Variants in CNTNAP2 observed in about 807,000 individuals in gnomAD.
CNTNAP2 encodes the protein contactin-associated protein-like 2.
CNTNAP2 carries 98 observed loss-of-function variants against 155.2 expected under a neutral mutation model. The ratio of observed to expected loss-of-function variants is 0.63; its 90% CI spans 0.54 to 0.75. The LOEUF (loss-of-function observed/expected upper bound fraction) is 0.75. Ranked by LOEUF, CNTNAP2 falls within the 30% of genes least tolerant of loss-of-function variation. CNTNAP2 has a pLI of 0.00. For synonymous variants in CNTNAP2, 651 were observed against 631.2 expected (o/e 1.03, Z -0.47); for missense variants, 1,727 against 1,688.1 (o/e 1.02, Z -0.40).
intron 21 of CNTNAP2, among the ~76,000 whole-genome samples, chr7:148,344,346 T>G (rs1280111330): frequency 6.6e-6 from 1 of 152,188 alleles, no homozygotes; most frequent in Admixed American, 6.5e-5. Context: ...GATGAATTCA[T>G]GTGTGTCCGG....
chr7:146,392,367 A>T (rs1795557212), intron 1 of CNTNAP2, among the ~76,000 whole-genome samples: 1 of 152,316 alleles, frequency 6.6e-6, no homozygotes, highest in Admixed American at 6.5e-5. Flanking sequence ...CAAATAAAAA[A>T]TCAAACAAAA....
chr7:147,241,636 GAAAAAAAA>G (rs773697991), intron 8 of CNTNAP2, among the ~76,000 whole-genome samples: 7 of 63,134 alleles, frequency 1.1e-4, no homozygotes, highest in African/African-American at 3.6e-4. Flanking sequence ...TCAAAAAAAG[GAAAAAAAA>G]AAAAAAAAAA....
At chr7:147,268,305 C>T (rs1804662851) in intron 8 of CNTNAP2, among the ~76,000 whole-genome samples, 1 of 152,088 alleles carries the variant, frequency 6.6e-6, no homozygotes, top group Non-Finnish European at 1.5e-5. Context: ...AAATTTATAT[C>T]TTGCTGCACT....
intron 3 of CNTNAP2, among the ~76,000 whole-genome samples, chr7:146,974,091 T>C (rs960710447): frequency 6.6e-6 from 1 of 152,138 alleles, no homozygotes; most frequent in Non-Finnish European, 1.5e-5. Context: ...CCCAGAATAA[T>C]CATAGTTATG....
chr7:148,135,322 G>A (rs567399573), intron 16 of CNTNAP2, among the ~76,000 whole-genome samples: 7 of 152,214 alleles, frequency 4.6e-5, no homozygotes, highest in Admixed American at 1.3e-4. Context: ...GAAAGATTGT[G>A]AAATACAGTG....
Position 146,495,930 on chromosome 7 carries a change from C to T in CNTNAP2, c.98-278341C>T, listed in dbSNP as rs548224204. ...GTCAAAAAAAGAGGAAAATGAGCAG[C>T]AAAGATCTACTCAGCCAAATTGTGA... is the stretch of plus-strand genomic sequence containing the variant. On this transcript the variant is annotated intron_variant, in intron 1 of 23. Transcript: ENST00000361727. Among the ~76,000 whole-genome samples, 3 of 152,210 alleles carry T rather than the reference C, an allele frequency of 2.0e-5. No homozygotes were observed. In the South Asian group the frequency reaches 6.2e-4, roughly 32 times the overall value.
chr7:146,837,400 A>C (rs1230298829), intron 2 of CNTNAP2, among the ~76,000 whole-genome samples: 3 of 151,954 alleles, frequency 2.0e-5, no homozygotes, highest in Admixed American at 6.6e-5. Flanking sequence ...TAAAATTTCC[A>C]TTTTGTTCTC....
At chr7:146,486,004 T>C (rs1389910378) in intron 1 of CNTNAP2, among the ~76,000 whole-genome samples, 2 of 149,104 alleles carry the variant, frequency 1.3e-5, no homozygotes, top group African/African-American at 2.4e-5. Flanking sequence ...TAGTAGTACA[T>C]TCATTACAAG....
At chr7:147,069,044 G>A (rs547093007) in intron 4 of CNTNAP2, among the ~76,000 whole-genome samples, 1 of 152,266 alleles carries the variant, frequency 6.6e-6, no homozygotes, top group East Asian at 1.9e-4. Context: ...GAGAGGGAGT[G>A]AAAGAGAGAG....
At chr7:147,508,728 C>T (rs59576889) in intron 11 of CNTNAP2, among the ~76,000 whole-genome samples, 12,742 of 152,122 alleles carry the variant, frequency 0.084, 561 homozygotes, top group African/African-American at 0.11. Context: ...ATAGGGAATA[C>T]GTCTCATGAG....
intron 22 of CNTNAP2, among the ~76,000 whole-genome samples, chr7:148,407,442 A>AG (rs2116710949): frequency 6.6e-6 from 1 of 152,234 alleles, no homozygotes; most frequent in African/African-American, 2.4e-5. Flanking sequence ...GGTGGCTCAC[A>AG]CCTGTAATCC....
intron 1 of CNTNAP2, among the ~76,000 whole-genome samples, chr7:146,685,737 A>G (rs1282857823): frequency 6.6e-6 from 1 of 152,062 alleles, no homozygotes; most frequent in African/African-American, 2.4e-5. Flanking sequence ...GAAAAAAAAA[A>G]TGCTTTTGAC....
At chr7:147,871,666 T>C (rs573174343) in intron 13 of CNTNAP2, among the ~76,000 whole-genome samples, 4 of 151,900 alleles carry the variant, frequency 2.6e-5, no homozygotes, top group Non-Finnish European at 5.9e-5. Context: ...TTTCTCTTTT[T>C]TTTTTTTTTG....
At chr7:147,666,537 TTTAA>T (rs1795699894) in intron 13 of CNTNAP2, among the ~76,000 whole-genome samples, 2 of 152,344 alleles carry the variant, frequency 1.3e-5, no homozygotes, top group South Asian at 2.1e-4. Context: ...TATGCTATAC[TTTAA>T]TTGTTATTTT....
intron 1 of CNTNAP2, among the ~76,000 whole-genome samples, chr7:146,484,031 C>G (rs1797019846): frequency 6.6e-6 from 1 of 152,130 alleles, no homozygotes; most frequent in Non-Finnish European, 1.5e-5. Context: ...GTGCACTATA[C>G]AAGTGTACCA....
chr7:147,482,514 C>T (rs895830130), intron 10 of CNTNAP2, among the ~76,000 whole-genome samples: 3 of 150,876 alleles, frequency 2.0e-5, no homozygotes, highest in Non-Finnish European at 3.0e-5. Flanking sequence ...GTCAGGAGAT[C>T]GAGACCATGC....
rs568827258 is a variant in CNTNAP2 at position 147,047,263 on chromosome 7, C to T, written c.550+3209C>T. The stretch of plus-strand genomic sequence containing the variant: ...AGCTGGGACTACAGGTGACCACCAC[C>T]ACGCCCGGCTAATTTTTTTTTTTTT... On this transcript the variant is annotated intron_variant, in intron 4 of 23. Transcript: ENST00000361727. Among the ~76,000 whole-genome samples the T allele has an allele frequency of 8.6e-4, 121 of 141,508 alleles. 1 individual carries two copies. The highest frequency in any genetic ancestry group is 3.1e-3 in the African/African-American group (115 of 37,224). 92.8% of individuals were successfully genotyped at this position (141,508 alleles called of 152,430 possible).
intron 13 of CNTNAP2, among the ~76,000 whole-genome samples, chr7:147,822,578 T>A (rs1253123717): frequency 6.6e-6 from 1 of 152,148 alleles, no homozygotes; most frequent in Admixed American, 6.5e-5. Context: ...TGTTGATATG[T>A]AATAACAGTT....
intron 15 of CNTNAP2, among the ~76,000 whole-genome samples, chr7:148,034,010 A>G (rs1356443375): frequency 1.3e-5 from 2 of 152,230 alleles, no homozygotes; most frequent in African/African-American, 4.8e-5. Flanking sequence ...TTCTAAAAGA[A>G]AAACTCTAGA....
Sources: gnomAD v4.1 joint callset for allele counts (sites outside exome capture counted in the v4.1 genomes callset) on GRCh38, gnomAD v4.1.1 for gene constraint, MANE v1.5 for transcripts, NCBI Gene and HGNC (gene_info 2026-07-23, HGNC 2026-07-21) for gene names.